Variants in TAMM41 observed in about 807,000 individuals in gnomAD.
TAMM41 encodes the protein TAM41 mitochondrial translocator assembly and maintenance homolog, also known as phosphatidate cytidylyltransferase, mitochondrial.
In TAMM41, 36 loss-of-function variants were observed where a neutral mutation model predicts 44.1. The observed-to-expected ratio is 0.82, with a 90% CI of 0.63 to 1.08. The LOEUF (loss-of-function observed/expected upper bound fraction) is 1.08, where lower values mean the gene tolerates loss of function less well. Among genes scored for constraint, TAMM41 ranks in the 50% least tolerant of loss-of-function variants. The pLI, the probability that TAMM41 is intolerant of heterozygous loss-of-function variation, is 0.00. For missense variants in TAMM41, 417 were observed against 404.3 expected (o/e 1.03, Z -0.27); for synonymous variants, 164 against 153.1 (o/e 1.07, Z -0.53).
chr3:11,791,065 G>GGCT (rs2077466923), intron 7 of TAMM41, among the ~76,000 whole-genome samples: 2 of 152,158 alleles, frequency 1.3e-5, no homozygotes, highest in South Asian at 4.1e-4. Context: ...TTCTTCTCTA[G>GGCT]GAAGTGCTTC....
At chr3:11,723,305 C>T in the TAMM41 span, among the ~76,000 whole-genome samples, 5 of 151,912 alleles carry the variant, frequency 3.3e-5, no homozygotes, top group Admixed American at 6.6e-5. Flanking sequence ...CTAGGCCAGG[C>T]GCAGTGGCTT....
At chr3:11,820,103 T>A (rs1213110698) in intron 4 of TAMM41, among the ~76,000 whole-genome samples, 1 of 152,202 alleles carries the variant, frequency 6.6e-6, no homozygotes, top group Non-Finnish European at 1.5e-5. Flanking sequence ...ATTTATGGGA[T>A]ACACAGATGA....
At chr3:11,818,846 C>T (rs1357019943) in intron 4 of TAMM41, among the ~76,000 whole-genome samples, 2 of 147,980 alleles carry the variant, frequency 1.4e-5, no homozygotes, top group African/African-American at 2.5e-5. Context: ...TGCAGTGAGC[C>T]GAGATCGCGC....
At chr3:11,784,466 G>A in the TAMM41 span, among the ~76,000 whole-genome samples, 11 of 152,228 alleles carry the variant, frequency 7.2e-5, no homozygotes, top group Non-Finnish European at 1.5e-5. Flanking sequence ...CTGCACTCCA[G>A]CCTGGGCAAC....
chr3:11,757,026 G>C, the TAMM41 span, among the ~76,000 whole-genome samples: 1 of 152,092 alleles, frequency 6.6e-6, no homozygotes, highest in Non-Finnish European at 1.5e-5. Context: ...AACTATTCTA[G>C]CTGAGTACTT....
At chr3:11,724,117 T>G in the TAMM41 span, among the ~76,000 whole-genome samples, 4 of 151,820 alleles carry the variant, frequency 2.6e-5, no homozygotes, top group Non-Finnish European at 5.9e-5. Context: ...ATTTATTTTT[T>G]ATTTTTGAGA....
intron 3 of TAMM41, among the ~76,000 whole-genome samples, chr3:11,836,346 C>T (rs568516615): frequency 2.6e-5 from 4 of 152,200 alleles, no homozygotes; most frequent in African/African-American, 4.8e-5. Context: ...AACTGAAGTT[C>T]AGAAAGATAA....
the TAMM41 span, among the ~76,000 whole-genome samples, chr3:11,758,499 G>A: frequency 3.3e-5 from 5 of 151,360 alleles, no homozygotes; most frequent in African/African-American, 1.2e-4. Flanking sequence ...TTACATGCAC[G>A]TGCCACCATG....
chr3:11,823,311 A>G (rs2078604244), intron 4 of TAMM41, among the ~76,000 whole-genome samples: 1 of 142,272 alleles, frequency 7.0e-6, no homozygotes, highest in East Asian at 2.0e-4. Context: ...GCTGGAGTGC[A>G]GTGGCATGAT....
the TAMM41 span, among the ~76,000 whole-genome samples, chr3:11,746,766 C>G: frequency 6.6e-6 from 1 of 151,912 alleles, no homozygotes; most frequent in Non-Finnish European, 1.5e-5. Flanking sequence ...TCCCGAGTAG[C>G]CGGGACTACA....
chr3:11,725,454 CCTT>C, the TAMM41 span, among the ~76,000 whole-genome samples: 6 of 137,720 alleles, frequency 4.4e-5, no homozygotes, highest in African/African-American at 8.3e-5. Context: ...TCCTCCTCCT[CCTT>C]CTTCTTCTTC....
chr3:11,775,456 T>C, the TAMM41 span, among the ~76,000 whole-genome samples: 1 of 152,340 alleles, frequency 6.6e-6, no homozygotes, highest in South Asian at 2.1e-4. Context: ...GGCCAGGACC[T>C]AGCCATTCTG....
chr3:11,757,727 G>A, the TAMM41 span, among the ~76,000 whole-genome samples: 22,373 of 152,186 alleles, frequency 0.15, 1,923 homozygotes, highest in Non-Finnish European at 0.2. Flanking sequence ...CTGATTCTGC[G>A]ATTTAGAAGC....
intron 3 of TAMM41, among the ~76,000 whole-genome samples, chr3:11,832,340 C>A (rs930667908): frequency 6.6e-6 from 1 of 151,550 alleles, no homozygotes; most frequent in African/African-American, 2.4e-5. Flanking sequence ...CTGCCACATG[C>A]CAATTACTAC....
At chr3:11,784,281 G>C in the TAMM41 span, among the ~76,000 whole-genome samples, 1 of 152,344 alleles carries the variant, frequency 6.6e-6, no homozygotes, top group Admixed American at 6.5e-5. Context: ...GATCACTTGA[G>C]TTCAGGAGTT....
the TAMM41 span, among the ~76,000 whole-genome samples, chr3:11,764,621 C>T: frequency 1.3e-5 from 2 of 149,426 alleles, no homozygotes; most frequent in East Asian, 2.0e-4. Flanking sequence ...GCCTCCTGAG[C>T]AGCTGGGACT....
intron 6 of TAMM41, chr3:11,808,896 AT>A: frequency 6.5e-6 from 1 of 153,476 alleles, no homozygotes; most frequent in Non-Finnish European, 1.4e-5. Context: ...TACTTTTGTA[AT>A]TTTTGCAGAG....
At chr3:11,814,603 A>G (rs1160207498) in intron 5 of TAMM41, among the ~76,000 whole-genome samples, 1 of 152,206 alleles carries the variant, frequency 6.6e-6, no homozygotes, top group East Asian at 1.9e-4. Context: ...ATGGGTATGA[A>G]GAAATAATTA....
rs17035328 is a variant in TAMM41 at position 11,843,903 on chromosome 3, G to A, written c.318+126C>T. ...TACTATAAAAACATACATATTTCCC[G>A]ACTATAACAACGTCCAGCAGGAGTG... On this transcript the variant is annotated intron_variant, in intron 2 of 7. Coordinates refer to ENST00000455809, the MANE Select transcript of TAMM41 (RefSeq NM_001284401.2). 3,547 of 950,716 alleles carry A rather than the reference G, an allele frequency of 3.7e-3. 62 individuals carry two copies. In the African/African-American group the frequency reaches 0.047, roughly 13 times the overall value. The allele number at this position is 950,716 out of a possible 1,614,324, so 58.9% of individuals were successfully genotyped here.
Sources: allele counts gnomAD v4.1 joint callset (sites outside exome capture counted in the v4.1 genomes callset), GRCh38; gene constraint gnomAD v4.1.1; transcripts MANE v1.5; gene names NCBI Gene and HGNC (gene_info 2026-07-23, HGNC 2026-07-21).